DAPK1: variants seen among roughly 807,000 people sequenced by gnomAD.
DAPK1 encodes death-associated protein kinase 1.
Under a neutral mutation model 144.9 loss-of-function variants are expected in DAPK1, and 56 were observed. The ratio of observed to expected loss-of-function variants is 0.39; its 90% CI spans 0.31 to 0.48. DAPK1 has a LOEUF of 0.48. Among genes scored for constraint, DAPK1 ranks in the 20% least tolerant of loss-of-function variants. The pLI, the probability that DAPK1 is intolerant of heterozygous loss-of-function variation, is 0.95. For missense variants in DAPK1, 1,454 were observed against 1,875.4 expected (o/e 0.78, Z 4.15); for synonymous variants, 690 against 749.0 (o/e 0.92, Z 1.29).
intron 3 of DAPK1, among the ~76,000 whole-genome samples, chr9:87,622,054 C>CTTTTTTTT: frequency 6.8e-6 from 1 of 146,368 alleles, no homozygotes; most frequent in African/African-American, 2.5e-5. Flanking sequence ...CTGCCTTGCA[C>CTTTTTTTT]TTTTTTTTTT....
intron 2 of DAPK1, among the ~76,000 whole-genome samples, chr9:87,594,883 A>T (rs954983111): frequency 6.6e-6 from 1 of 152,188 alleles, no homozygotes; most frequent in African/African-American, 2.4e-5. Context: ...CTCCTCTCCC[A>T]GGCCTGAGTC....
intron 2 of DAPK1, among the ~76,000 whole-genome samples, chr9:87,528,853 CAG>C (rs1456675169): frequency 7.5e-6 from 1 of 132,992 alleles, no homozygotes; most frequent in Non-Finnish European, 1.5e-5. Context: ...GCCTGGGTGA[CAG>C]AGCAAGACTC....
At chr9:87,637,870 C>T (rs1355189204) in intron 3 of DAPK1, 73 bp from the exon 4 acceptor site, 1 of 1,521,206 alleles carries the variant, frequency 6.6e-7, no homozygotes, top group South Asian at 1.2e-5. Flanking sequence ...TTTGAGCGCA[C>T]CAATAGTCTA....
At chr9:87,512,612 GT>G (rs1388598380) in intron 2 of DAPK1, among the ~76,000 whole-genome samples, 1 of 152,148 alleles carries the variant, frequency 6.6e-6, no homozygotes, top group Non-Finnish European at 1.5e-5. Context: ...GTGGGGTCCA[GT>G]TTGTTCAAGA....
At chr9:87,617,370 G>A (rs1327781343) in intron 3 of DAPK1, among the ~76,000 whole-genome samples, 1 of 152,132 alleles carries the variant, frequency 6.6e-6, no homozygotes, top group Non-Finnish European at 1.5e-5. Context: ...TTGCCTAGCA[G>A]GAAAGCTCAA....
intron 2 of DAPK1, among the ~76,000 whole-genome samples, chr9:87,520,243 G>A (rs561477418): frequency 9.9e-5 from 15 of 152,266 alleles, no homozygotes; most frequent in African/African-American, 2.6e-4. Context: ...TTGTGTAAAC[G>A]GATTGATGGA....
At chr9:87,528,728 C>T (rs537725350) in intron 2 of DAPK1, among the ~76,000 whole-genome samples, 8 of 150,058 alleles carry the variant, frequency 5.3e-5, no homozygotes, top group Admixed American at 4.7e-4. Context: ...AAAAACTAGC[C>T]GGGTGTGGCG....
At chr9:87,672,073 C>T (rs576631079) in intron 19 of DAPK1, among the ~76,000 whole-genome samples, 48 of 152,286 alleles carry the variant, frequency 3.2e-4, no homozygotes, top group Non-Finnish European at 4.9e-4. Context: ...CTCCCACGAC[C>T]GTGATAAGGG....
At chr9:87,568,523 A>T (rs1322483684) in intron 2 of DAPK1, among the ~76,000 whole-genome samples, 2 of 152,192 alleles carry the variant, frequency 1.3e-5, no homozygotes, top group Non-Finnish European at 2.9e-5. Context: ...TCATGGAGTC[A>T]TCTTCTTGTG....
intron 1 of DAPK1, chr9:87,498,401 C>T (rs536692123): frequency 3.6e-5 from 12 of 332,904 alleles, no homozygotes; most frequent in Middle Eastern, 7.8e-4. Context: ...TCCCTTGCTC[C>T]CCCGGGCGGC....
chr9:87,633,659 C>T (rs1829789472), intron 3 of DAPK1, among the ~76,000 whole-genome samples: 1 of 152,092 alleles, frequency 6.6e-6, no homozygotes, highest in African/African-American at 2.4e-5. Context: ...TGTCCTTACT[C>T]CTGTGGAGTT....
intron 2 of DAPK1, among the ~76,000 whole-genome samples, chr9:87,573,567 T>A (rs1022128873): frequency 2.6e-5 from 4 of 152,194 alleles, no homozygotes; most frequent in African/African-American, 7.2e-5. Context: ...AGCTGAGGGC[T>A]TTCCCAACAT....
intron 2 of DAPK1, among the ~76,000 whole-genome samples, chr9:87,517,855 CT>C (rs1825121332): frequency 6.6e-6 from 1 of 152,102 alleles, no homozygotes; most frequent in African/African-American, 2.4e-5. Flanking sequence ...ACCATGTTAG[CT>C]TGTCCCAGTG....
At chr9:87,508,996 C>T (rs1587669318) in intron 2 of DAPK1, among the ~76,000 whole-genome samples, 2 of 152,148 alleles carry the variant, frequency 1.3e-5, no homozygotes, top group East Asian at 3.8e-4. Flanking sequence ...TGTTTTGCCT[C>T]CTCTGTGTAA....
intron 3 of DAPK1, among the ~76,000 whole-genome samples, chr9:87,622,381 A>G (rs1464927509): frequency 2.0e-5 from 3 of 151,978 alleles, no homozygotes; most frequent in Non-Finnish European, 4.4e-5. Context: ...AGGCTCCGGT[A>G]CCTCACAAAA....
At chr9:87,623,916 A>AT (rs1181638998) in intron 3 of DAPK1, among the ~76,000 whole-genome samples, 2 of 152,146 alleles carry the variant, frequency 1.3e-5, no homozygotes, top group Admixed American at 6.5e-5. Flanking sequence ...AAGCAGCTTT[A>AT]TTTTTTCTGA....
chr9:87,544,805 C>T (rs1051143467), intron 2 of DAPK1, among the ~76,000 whole-genome samples: 3 of 152,104 alleles, frequency 2.0e-5, no homozygotes, highest in Non-Finnish European at 4.4e-5. Flanking sequence ...AATTTTCCTA[C>T]GAGTACCCAA....
intron 15 of DAPK1, 42 bp from the exon 16 acceptor site, chr9:87,649,879 T>G: frequency 6.3e-7 from 1 of 1,597,070 alleles, no homozygotes; most frequent in Non-Finnish European, 8.6e-7. Flanking sequence ...TTGTTTCTCA[T>G]TATTGTGTTC....
rs750119779 is a variant in DAPK1, at chr9:87,658,019, C to G, written c.1825-10C>G. The G allele has an allele frequency of 8.8e-7, 1 of 1,135,388 alleles. No homozygotes were observed. Among genetic ancestry groups the G allele is most frequent in the South Asian group, 1.3e-5 (1 of 79,514 alleles). 70.3% of individuals were successfully genotyped at this position (1,135,388 alleles called of 1,614,324 possible). A position where few individuals can be genotyped will look rare whatever the true frequency, so the allele number is the denominator to read the frequency against. On this transcript the variant is annotated splice_polypyrimidine_tract_variant and intron_variant, in intron 17 of 25. Transcript: ENST00000408954. ...AAGAACGACCTTTGGCCTTTTTTCT[C>G]TCTTCCCAGTATGGGCGAACGCCTC...
Sources: gnomAD v4.1 joint callset for allele counts (sites outside exome capture counted in the v4.1 genomes callset) on GRCh38, gnomAD v4.1.1 for gene constraint, MANE v1.5 for transcripts, NCBI Gene and HGNC (gene_info 2026-07-23, HGNC 2026-07-21) for gene names.